CNTN3: variants seen among roughly 807,000 people sequenced by gnomAD.
CNTN3 encodes contactin 3.
In CNTN3, 60 loss-of-function variants were observed where a neutral mutation model predicts 119.1. The ratio of observed to expected loss-of-function variants is 0.50; its 90% CI spans 0.41 to 0.62. The LOEUF is 0.62. Ranked by LOEUF, CNTN3 falls within the 20% of genes least tolerant of loss-of-function variation. CNTN3 has a pLI of 0.00. For synonymous variants in CNTN3, 450 were observed against 438.7 expected (o/e 1.03, Z -0.32); for missense variants, 1,101 against 1,242.4 (o/e 0.89, Z 1.71).
intron 5 of CNTN3, among the ~76,000 whole-genome samples, chr3:74,421,161 TTTTTA>T (rs1210745056): frequency 1.1e-4 from 17 of 152,096 alleles, no homozygotes; most frequent in African/African-American, 9.7e-5. Context: ...ACTATGATTA[TTTTTA>T]TTTTATTTAT....
At chr3:74,397,505 G>T (rs1705085519) in intron 5 of CNTN3, among the ~76,000 whole-genome samples, 1 of 39,576 alleles carries the variant, frequency 2.5e-5, no homozygotes, top group South Asian at 1.4e-3. Context: ...TTGCCAACTG[G>T]TGTTCTCTCT....
intron 5 of CNTN3, among the ~76,000 whole-genome samples, chr3:74,378,290 T>C (rs975141433): frequency 6.6e-6 from 1 of 152,218 alleles, no homozygotes; most frequent in African/African-American, 2.4e-5. Flanking sequence ...ATGGTTAGGA[T>C]TGAAGAGTCC....
chr3:74,458,008 A>G (rs2106965576), intron 4 of CNTN3, among the ~76,000 whole-genome samples: 1 of 152,156 alleles, frequency 6.6e-6, no homozygotes, highest in South Asian at 2.1e-4. Flanking sequence ...ACACCTTTGA[A>G]AATAAAAATA....
At chr3:74,470,911 C>T (rs1278750487) in intron 4 of CNTN3, among the ~76,000 whole-genome samples, 3 of 152,088 alleles carry the variant, frequency 2.0e-5, no homozygotes, top group Non-Finnish European at 2.9e-5. Flanking sequence ...GAGTCTTGCT[C>T]TGTTGCCCAA....
chr3:74,345,225 C>T (rs150888967), intron 11 of CNTN3, among the ~76,000 whole-genome samples: 2 of 152,316 alleles, frequency 1.3e-5, no homozygotes, highest in African/African-American at 4.8e-5. Context: ...AGTAACATCT[C>T]AGTCCTGACA....
chr3:74,563,514 A>G (rs982117557), intron 1 of CNTN3, among the ~76,000 whole-genome samples: 1 of 152,148 alleles, frequency 6.6e-6, no homozygotes, highest in African/African-American at 2.4e-5. Context: ...CATTCTATCT[A>G]GACAGCCAGT....
At chr3:74,288,096 CAT>C (rs1559682639) in intron 19 of CNTN3, among the ~76,000 whole-genome samples, 5 of 151,152 alleles carry the variant, frequency 3.3e-5, no homozygotes, top group African/African-American at 1.2e-4. Flanking sequence ...TTTCCAGTGA[CAT>C]TTTCATAGTC....
chr3:74,423,607 A>C (rs1474861629), intron 5 of CNTN3, among the ~76,000 whole-genome samples: 1 of 152,210 alleles, frequency 6.6e-6, no homozygotes, highest in Non-Finnish European at 1.5e-5. Flanking sequence ...GTGAGCCAGC[A>C]AACTCCCAAT....
At chr3:74,401,052 A>G (rs1389399324) in intron 5 of CNTN3, among the ~76,000 whole-genome samples, 1 of 152,198 alleles carries the variant, frequency 6.6e-6, no homozygotes, top group Non-Finnish European at 1.5e-5. Flanking sequence ...TAAGAAGAGG[A>G]GGGAAGAAAA....
intron 1 of CNTN3, among the ~76,000 whole-genome samples, chr3:74,530,201 A>T (rs1363062564): frequency 6.6e-6 from 1 of 152,036 alleles, no homozygotes; most frequent in South Asian, 2.1e-4. Flanking sequence ...CATTTTAATA[A>T]GAGATTCTAG....
At chr3:74,564,774 T>C (rs1704202596) in intron 1 of CNTN3, among the ~76,000 whole-genome samples, 1 of 151,984 alleles carries the variant, frequency 6.6e-6, no homozygotes, top group African/African-American at 2.4e-5. Flanking sequence ...TATTTTCTCC[T>C]TGATTCATCC....
At chr3:74,511,635 C>A (rs990733643) in intron 2 of CNTN3, among the ~76,000 whole-genome samples, 1 of 152,056 alleles carries the variant, frequency 6.6e-6, no homozygotes, top group East Asian at 1.9e-4. Flanking sequence ...TACCACTACA[C>A]TTCAGCTTGG....
chr3:74,292,929 A>G lies in CNTN3; in HGVS notation c.2517+2192T>C, dbSNP rs188671397. Among the ~76,000 whole-genome samples the G allele has an allele frequency of 1.1e-3, 175 of 152,346 alleles. 2 individuals are homozygous for G. The highest frequency in any genetic ancestry group is 0.011 in the Admixed American group (161 of 15,306). On this transcript the variant is annotated intron_variant, in intron 19 of 22. Transcript: ENST00000263665. ...TGCTTTCATCTATTGTCATGGAATTAAAGGAATCTTCCATCCAGCTGTTCC... is the reference window on the plus strand; with the variant it reads ...TGCTTTCATCTATTGTCATGGAATTGAAGGAATCTTCCATCCAGCTGTTCC...
chr3:74,277,222 C>T (rs544767268), intron 20 of CNTN3, among the ~76,000 whole-genome samples: 21 of 151,694 alleles, frequency 1.4e-4, no homozygotes, highest in Admixed American at 4.6e-4. Context: ...ATCCTGTTTA[C>T]ACTATTCAGC....
At chr3:74,579,109 G>T (rs558239855) in intron 1 of CNTN3, among the ~76,000 whole-genome samples, 1 of 151,974 alleles carries the variant, frequency 6.6e-6, no homozygotes, top group African/African-American at 2.4e-5. Context: ...AGTATTTCGT[G>T]CCAATATCAG....
At chr3:74,570,164 T>C (rs1704286602) in intron 1 of CNTN3, among the ~76,000 whole-genome samples, 1 of 151,720 alleles carries the variant, frequency 6.6e-6, no homozygotes, top group Non-Finnish European at 1.5e-5. Flanking sequence ...TATCATGGAG[T>C]ATCATGGAGT....
chr3:74,303,118 C>T (rs996153479), intron 13 of CNTN3, among the ~76,000 whole-genome samples: 1 of 152,184 alleles, frequency 6.6e-6, no homozygotes, highest in Non-Finnish European at 1.5e-5. Context: ...ACCAGGGTGA[C>T]ACTTCTTTTT....
At chr3:74,399,372 C>T (rs1705133814) in intron 5 of CNTN3, among the ~76,000 whole-genome samples, 1 of 152,160 alleles carries the variant, frequency 6.6e-6, no homozygotes, top group Non-Finnish European at 1.5e-5. Flanking sequence ...TTAGCTACCA[C>T]TTATGCATGA....
In CNTN3 at chr3:74,319,181, G is replaced by A. The variant is rs546412277; in HGVS notation, c.1668+15554C>T. On this transcript the variant is annotated intron_variant, in intron 13 of 22. Transcript: ENST00000263665. ...AAAAAACTACTTTAAAGTTCATATG[G>A]AACCAAAAAAGAGCCGGCGTCGCCA... Among the ~76,000 whole-genome samples, 76 of 152,120 alleles carry A rather than the reference G, an allele frequency of 5.0e-4. 2 individuals carry two copies. In the South Asian group the frequency reaches 0.015, roughly 29 times the overall value.
Sources: gnomAD v4.1 joint callset for allele counts (sites outside exome capture counted in the v4.1 genomes callset) on GRCh38, gnomAD v4.1.1 for gene constraint, MANE v1.5 for transcripts, NCBI Gene and HGNC (gene_info 2026-07-23, HGNC 2026-07-21) for gene names.